KCNK2: variants seen among roughly 807,000 people sequenced by gnomAD.
The protein encoded by KCNK2 is potassium channel subfamily K member 2.
In KCNK2, 21 loss-of-function variants were observed where a neutral mutation model predicts 40.5. That is an observed-to-expected ratio of 0.52 (90% CI 0.37 to 0.75). KCNK2 has a LOEUF of 0.75. Ranked by LOEUF, KCNK2 falls within the 30% of genes least tolerant of loss-of-function variation. The probability of loss-of-function intolerance (pLI) is 0.00; values close to 1 mark genes in which losing one functional copy is unlikely to be tolerated. For synonymous variants in KCNK2, 191 were observed against 202.2 expected, an observed-to-expected ratio of 0.94 and a Z score of 0.47; for missense variants, 399 against 531.6, an observed-to-expected ratio of 0.75 and a Z score of 2.45.
At chr1:215,172,441 C>T (rs1663757041) in intron 5 of KCNK2, among the ~76,000 whole-genome samples, 1 of 152,088 alleles carries the variant, frequency 6.6e-6, no homozygotes, top group African/African-American at 2.4e-5. Context: ...TGGTAGAGGT[C>T]ATCAGTCCTT....
chr1:215,101,173 G>A (rs1245554139), intron 2 of KCNK2, among the ~76,000 whole-genome samples: 1 of 151,940 alleles, frequency 6.6e-6, no homozygotes, highest in Non-Finnish European at 1.5e-5. Flanking sequence ...ACTAAACTGA[G>A]AGTTTTGTTC....
At chr1:215,010,898 A>ATG (rs138345574) in intron 1 of KCNK2, among the ~76,000 whole-genome samples, 4 of 121,710 alleles carry the variant, frequency 3.3e-5, no homozygotes, top group African/African-American at 1.0e-4. Context: ...GTGTGTGTGT[A>ATG]TGTGTGTGTA....
At chr1:215,071,663 A>G (rs570444670) in intron 1 of KCNK2, among the ~76,000 whole-genome samples, 1 of 152,340 alleles carries the variant, frequency 6.6e-6, no homozygotes, top group East Asian at 1.9e-4. Flanking sequence ...ATTCTTTCAG[A>G]GAAGGGAGAT....
chr1:215,186,858 A>G (rs1308740550), intron 5 of KCNK2, among the ~76,000 whole-genome samples: 1 of 152,214 alleles, frequency 6.6e-6, no homozygotes, highest in Non-Finnish European at 1.5e-5. Context: ...TATTTGACAT[A>G]TGAGTAAGCA....
At chr1:215,110,387 A>G (rs907061424) in intron 2 of KCNK2, among the ~76,000 whole-genome samples, 1 of 151,872 alleles carries the variant, frequency 6.6e-6, no homozygotes, top group Non-Finnish European at 1.5e-5. Flanking sequence ...GTTGATTTTT[A>G]TGTATAGTGT....
chr1:215,012,535 A>G (rs528554547), intron 1 of KCNK2, among the ~76,000 whole-genome samples: 1 of 151,708 alleles, frequency 6.6e-6, no homozygotes, highest in East Asian at 1.9e-4. Context: ...TGAAGTGAAC[A>G]ATCATAGTTC....
chr1:215,180,947 A>T (rs1032411559), intron 5 of KCNK2, among the ~76,000 whole-genome samples: 7 of 152,184 alleles, frequency 4.6e-5, no homozygotes, highest in Non-Finnish European at 1.0e-4. Flanking sequence ...TCCTTCAAAT[A>T]TGTTTTCCAG....
intron 3 of KCNK2, among the ~76,000 whole-genome samples, chr1:215,126,828 A>G (rs1045666255): frequency 1.3e-5 from 2 of 152,130 alleles, no homozygotes; most frequent in African/African-American, 2.4e-5. Flanking sequence ...CTCAGGCTTT[A>G]GTCTTCAGTG....
chr1:215,093,811 T>TATATATTATATATTATATAATATAAA (rs1558088009), intron 2 of KCNK2, among the ~76,000 whole-genome samples: 4 of 27,554 alleles, frequency 1.5e-4, no homozygotes, highest in Non-Finnish European at 3.8e-4. Context: ...TAAAATATAT[T>TATATATTATATATTATATAATATAAA]ATATATTATA....
At chr1:215,210,111 C>T (rs61818359) in intron 6 of KCNK2, among the ~76,000 whole-genome samples, 120,487 of 131,554 alleles carry the variant, frequency 0.92, 55,190 homozygotes, top group East Asian at 1. Context: ...ATGTACTATA[C>T]ATACTATATA....
At chr1:215,056,481 C>T (rs1571874179) in intron 1 of KCNK2, among the ~76,000 whole-genome samples, 1 of 98,546 alleles carries the variant, frequency 1.0e-5, no homozygotes, top group Non-Finnish European at 1.8e-5. Context: ...CTCCAGGCAA[C>T]AGAGTGAGAC....
chr1:215,060,369 C>T (rs1206241235), intron 1 of KCNK2, among the ~76,000 whole-genome samples: 3 of 152,272 alleles, frequency 2.0e-5, no homozygotes, highest in East Asian at 3.9e-4. Flanking sequence ...TGATTCTATC[C>T]TCCTGCCACC....
intron 1 of KCNK2, among the ~76,000 whole-genome samples, chr1:215,045,588 A>G (rs905539248): frequency 5.9e-5 from 9 of 152,254 alleles, no homozygotes; most frequent in African/African-American, 2.2e-4. Flanking sequence ...AACTCAAAAT[A>G]TCCATATAAC....
intron 1 of KCNK2, among the ~76,000 whole-genome samples, chr1:215,018,400 G>A (rs1452609): frequency 0.56 from 85,119 of 151,976 alleles, 25,516 homozygotes; most frequent in South Asian, 0.78. Context: ...CTTGTGATTG[G>A]TTCCTGCCTA....
chr1:215,136,405 A>G (rs1004311561), intron 3 of KCNK2, among the ~76,000 whole-genome samples: 1 of 152,156 alleles, frequency 6.6e-6, no homozygotes, highest in African/African-American at 2.4e-5. Flanking sequence ...GCCTCAAAAT[A>G]GCATATAATG....
chr1:215,096,627 C>T (rs554712296), intron 2 of KCNK2, among the ~76,000 whole-genome samples: 8 of 152,096 alleles, frequency 5.3e-5, no homozygotes, highest in African/African-American at 1.4e-4. Context: ...TAGGGAACCT[C>T]GCACAGTGGC....
chr1:215,222,057 G>A (rs1263547356), intron 6 of KCNK2, among the ~76,000 whole-genome samples: 2 of 152,100 alleles, frequency 1.3e-5, no homozygotes, highest in African/African-American at 4.8e-5. Flanking sequence ...AGTGGGGTGG[G>A]AGGTGACATA....
intron 6 of KCNK2, among the ~76,000 whole-genome samples, chr1:215,230,108 C>G (rs865933135): frequency 6.8e-6 from 1 of 146,714 alleles, no homozygotes; most frequent in Non-Finnish European, 1.5e-5. Flanking sequence ...CACACACACA[C>G]ACACACACAC....
chr1:215,235,007 GA>G lies in KCNK2; in HGVS notation c.1144del (p.Arg382GlyfsTer5). 6.2e-7 allele frequency: 1 copy of G among 1,614,036 alleles called. No homozygotes were observed. Among genetic ancestry groups the G allele is most frequent in the Non-Finnish European group, 8.5e-7 (1 of 1,180,008 alleles). ...ACAATCAGGAGCTGACTCCTTGTAG[GA>G]GGACCCTGTCAGTGAACCACCTGAC... ...NHNQELTPCR[R>X]TLSVNHLTSE... On this transcript the variant is annotated frameshift_variant, in exon 7 of 7. Coordinates refer to ENST00000444842, the MANE Select transcript of KCNK2 (RefSeq NM_001017425.3). LOFTEE classifies it high-confidence loss of function.
Sources: gnomAD v4.1 joint callset for allele counts (sites outside exome capture counted in the v4.1 genomes callset) on GRCh38, gnomAD v4.1.1 for gene constraint, MANE v1.5 for transcripts, NCBI Gene and HGNC (gene_info 2026-07-23, HGNC 2026-07-21) for gene names.